R3HCC1L: variants seen among roughly 807,000 people sequenced by gnomAD.
The protein encoded by R3HCC1L is coiled-coil domain-containing protein R3HCC1L.
Under a neutral mutation model 59.9 loss-of-function variants are expected in R3HCC1L, and 51 were observed. The observed-to-expected ratio is 0.85, with a 90% CI of 0.68 to 1.07. The LOEUF is 1.07. Among genes scored for constraint, R3HCC1L ranks in the 50% least tolerant of loss-of-function variants. The pLI, the probability that R3HCC1L is intolerant of heterozygous loss-of-function variation, is 0.00. For synonymous variants in R3HCC1L, 322 were observed against 315.2 expected (o/e 1.02, Z -0.23); for missense variants, 965 against 933.0 (o/e 1.03, Z -0.45).
At chr10:98,222,086 G>C (rs1173909817) in intron 5 of R3HCC1L, among the ~76,000 whole-genome samples, 1 of 152,034 alleles carries the variant, frequency 6.6e-6, no homozygotes, top group Non-Finnish European at 1.5e-5. Flanking sequence ...CCTTGAAGAG[G>C]TCCTTCACAT....
At chr10:98,140,640 T>C (rs1357060712) in intron 1 of R3HCC1L, among the ~76,000 whole-genome samples, 2 of 152,156 alleles carry the variant, frequency 1.3e-5, no homozygotes, top group Admixed American at 1.3e-4. Flanking sequence ...TGGATTTTTG[T>C]CTGTTATTTG....
At chr10:98,225,368 C>T (rs763706448) in intron 5 of R3HCC1L, among the ~76,000 whole-genome samples, 10 of 152,186 alleles carry the variant, frequency 6.6e-5, no homozygotes, top group Non-Finnish European at 1.3e-4. Context: ...ACACTTTCTC[C>T]CTTTTATGCC....
At chr10:98,175,917 T>A (rs1848966920) in intron 4 of R3HCC1L, among the ~76,000 whole-genome samples, 1 of 152,188 alleles carries the variant, frequency 6.6e-6, no homozygotes, top group African/African-American at 2.4e-5. Flanking sequence ...AAATTGTAGG[T>A]TTACATTTAG....
In R3HCC1L at chr10:98,235,491, C is replaced by A; in HGVS notation, c.2099C>A (p.Ala700Glu). Residue 700 changes from alanine to glutamate, a missense_variant, in exon 8 of 10, where the codon GCA (alanine) becomes GAA (glutamate). Ala to Glu is a moderately radical substitution (Grantham distance 107). Coordinates refer to ENST00000298999, the MANE Select transcript of R3HCC1L (RefSeq NM_001351015.2). ...KIRPLSQATRAAKAKARAYAE... is the reference protein window; with the variant it reads ...KIRPLSQATREAKAKARAYAE... ...CGTCCCTTGTCACAGGCCACAAGAG[C>A]AGCCAAGGCCAAAGCTAGAGCTTAT... The A allele has an allele frequency of 1.9e-6, 3 of 1,613,402 alleles. No homozygotes were observed. The highest frequency in any genetic ancestry group is 2.5e-6 in the Non-Finnish European group (3 of 1,179,590).
At chr10:98,214,340 G>A (rs1331141170) in intron 5 of R3HCC1L, among the ~76,000 whole-genome samples, 3 of 152,086 alleles carry the variant, frequency 2.0e-5, no homozygotes, top group Non-Finnish European at 4.4e-5. Flanking sequence ...TATGGCATGT[G>A]GAGTATGGTT....
chr10:98,224,830 G>A (rs1855489881), intron 5 of R3HCC1L, among the ~76,000 whole-genome samples: 1 of 152,170 alleles, frequency 6.6e-6, no homozygotes, highest in Non-Finnish European at 1.5e-5. Flanking sequence ...GTTTCATATT[G>A]ACTTTATAGG....
At chr10:98,174,494 T>C (rs1239973673) in intron 4 of R3HCC1L, 9 of 787,384 alleles carry the variant, frequency 1.1e-5, no homozygotes, top group Non-Finnish European at 1.2e-5. Context: ...TCAAGAAACT[T>C]GTAGAGTGTG....
At position 98,209,066 on chromosome 10, in the gene R3HCC1L, T is replaced by A. The variant is rs1194684986; in HGVS notation, c.952T>A (p.Ser318Thr). ...TGCAACTATGGGTCACATCTCTCTG[T>A]CAGAGAGCACAAATGACACTGTTAG... The part of the protein sequence containing the change: ...IPATMGHISL[S>T]ESTNDTVSPV... Residue 318 changes from serine (S) to threonine (T), a missense_variant, in exon 5 of 10, where the codon TCA becomes ACA. By Grantham distance (58) the Ser-to-Thr change is moderately conservative. Coordinates refer to ENST00000298999, the MANE Select transcript of R3HCC1L (RefSeq NM_001351015.2). The A allele has an allele frequency of 6.2e-7, 1 of 1,613,364 alleles. No individual in the cohort carries two copies. Among genetic ancestry groups the A allele is most frequent in the Non-Finnish European group, 8.5e-7 (1 of 1,179,468 alleles).
chr10:98,164,912 TG>T (rs937371723), intron 4 of R3HCC1L, among the ~76,000 whole-genome samples: 3 of 152,194 alleles, frequency 2.0e-5, no homozygotes, highest in Admixed American at 2.0e-4. Flanking sequence ...GAAGGTGGGG[TG>T]GAAATAGTGT....
intron 5 of R3HCC1L, among the ~76,000 whole-genome samples, chr10:98,218,771 T>C (rs1590759692): frequency 6.6e-6 from 1 of 152,334 alleles, no homozygotes; most frequent in South Asian, 2.1e-4. Flanking sequence ...GAGAGTGGGA[T>C]GTTGAAGCCC....
At chr10:98,184,957 G>T (rs1262306577) in intron 4 of R3HCC1L, among the ~76,000 whole-genome samples, 1 of 152,122 alleles carries the variant, frequency 6.6e-6, no homozygotes, top group East Asian at 1.9e-4. Flanking sequence ...TCTTTCCTTA[G>T]ATTTTAGATC....
intron 5 of R3HCC1L, among the ~76,000 whole-genome samples, chr10:98,210,246 A>C (rs1293279109): frequency 6.6e-6 from 1 of 152,158 alleles, no homozygotes; most frequent in South Asian, 2.1e-4. Flanking sequence ...AAGGAGAATA[A>C]TTTATTACTA....
intron 5 of R3HCC1L, among the ~76,000 whole-genome samples, chr10:98,218,284 C>T (rs1251473854): frequency 6.6e-6 from 1 of 151,830 alleles, no homozygotes; most frequent in African/African-American, 2.4e-5. Flanking sequence ...TTTTGACCTT[C>T]ATTCTGTTGA....
At chr10:98,221,754 C>T (rs1182335848) in intron 5 of R3HCC1L, among the ~76,000 whole-genome samples, 2 of 152,104 alleles carry the variant, frequency 1.3e-5, no homozygotes, top group African/African-American at 2.4e-5. Context: ...GTTTTGGTAC[C>T]AGTACCATGC....
At chr10:98,231,289 G>T (rs1348270328) in intron 5 of R3HCC1L, among the ~76,000 whole-genome samples, 1 of 152,086 alleles carries the variant, frequency 6.6e-6, no homozygotes, top group Non-Finnish European at 1.5e-5. Context: ...CTGTCTGCTG[G>T]AATTTCAACA....
chr10:98,218,126 A>G (rs1417546422), intron 5 of R3HCC1L, among the ~76,000 whole-genome samples: 8 of 152,152 alleles, frequency 5.3e-5, no homozygotes, highest in Admixed American at 3.3e-4. Context: ...CCCATTCATC[A>G]TAATGTTAGG....
At chr10:98,220,968 T>C (rs1471002552) in intron 5 of R3HCC1L, among the ~76,000 whole-genome samples, 1 of 146,240 alleles carries the variant, frequency 6.8e-6, no homozygotes, top group Non-Finnish European at 1.5e-5. Context: ...ACTTCCACAA[T>C]GGTTGAACTA....
chr10:98,164,192 A>T lies in R3HCC1L; in HGVS notation c.-15+795A>T, dbSNP rs541298838. ...ACATTGCAAAAATTGGATGGAAACT[A>T]TGACATGATAATGGTGATTTGCCGA... is the stretch of plus-strand genomic sequence containing the variant. On this transcript the variant is annotated intron_variant, in intron 4 of 9. Transcript: ENST00000298999. Among the ~76,000 whole-genome samples, 25 of 152,328 alleles carry T rather than the reference A, an allele frequency of 1.6e-4. No homozygotes were observed. The South Asian group carries it at 5.2e-3, about 32-fold the overall frequency.
In R3HCC1L at chr10:98,200,370, C is replaced by G. The variant is rs1851901249; in HGVS notation, c.-14-7731C>G. ...CAGATATCAGGGGACATTATGAATA[C>G]TAGTGTATCATAAGGGCCTTGACTC... On this transcript the variant is annotated intron_variant, in intron 4 of 9. Coordinates refer to ENST00000298999, the MANE Select transcript of R3HCC1L (RefSeq NM_001351015.2). 1.3e-5 allele frequency among the ~76,000 whole-genome samples: 2 copies of G among 152,038 alleles called. 1 individual carries two copies. The highest frequency in any genetic ancestry group is 2.9e-5 in the Non-Finnish European group (2 of 67,952).
Sources: allele counts gnomAD v4.1 joint callset (sites outside exome capture counted in the v4.1 genomes callset), GRCh38; gene constraint gnomAD v4.1.1; transcripts MANE v1.5; gene names NCBI Gene and HGNC (gene_info 2026-07-23, HGNC 2026-07-21).